Variants in DNAH5 observed in about 807,000 individuals in gnomAD.
DNAH5 encodes dynein axonemal heavy chain 5.
A neutral mutation model predicts 518.2 loss-of-function variants in DNAH5; 372 were observed. The observed-to-expected ratio is 0.72, with a 90% CI of 0.66 to 0.78. The LOEUF (loss-of-function observed/expected upper bound fraction) is 0.78, where lower values mean the gene tolerates loss of function less well. DNAH5 is among the 30% of genes least tolerant of loss of function. The pLI is 0.00. For synonymous variants in DNAH5, 2,039 were observed against 2,025.9 expected (o/e 1.01, Z -0.17); for missense variants, 5,523 against 5,687.0 (o/e 0.97, Z 0.93).
intron 53 of DNAH5, among the ~76,000 whole-genome samples, 177 bp from the exon 54 acceptor site, chr5:13,777,532 A>G (rs1754290632): frequency 6.6e-6 from 1 of 152,192 alleles, no homozygotes; most frequent in African/African-American, 2.4e-5. Context: ...CATTTCATAA[A>G]ACATTATAAT....
Position 13,928,160 on chromosome 5 carries a change from G to GTTGATCAA in DNAH5, c.203_210dup (p.Phe72IlefsTer30), listed in dbSNP as rs760462318. 1 of 1,613,588 alleles carries GTTGATCAA rather than the reference G, an allele frequency of 6.2e-7. No individual in the cohort carries two copies. The highest frequency in any genetic ancestry group is 8.5e-7 in the Non-Finnish European group (1 of 1,179,634). On this transcript the variant is annotated frameshift_variant, in exon 3 of 79. Transcript: ENST00000265104. LOFTEE classifies it high-confidence loss of function. ...TGTCGGAGACCTCCAACAGCAAAAA[G>GTTGATCAA]TTGATCAATTCTTTCAATCTGGGAA...
At chr5:13,886,568 TA>T (rs1772466497) in intron 17 of DNAH5, among the ~76,000 whole-genome samples, 1 of 152,222 alleles carries the variant, frequency 6.6e-6, no homozygotes, top group Admixed American at 6.5e-5. Flanking sequence ...ATGGATTTAA[TA>T]AATATAAACT....
At chr5:13,728,506 T>C (rs936656749) in intron 69 of DNAH5, among the ~76,000 whole-genome samples, 1 of 152,182 alleles carries the variant, frequency 6.6e-6, no homozygotes, top group Non-Finnish European at 1.5e-5. Context: ...GTTTCGTGCA[T>C]AAGATATCAT....
At position 13,711,100 on chromosome 5, in the gene DNAH5, T is replaced by C. The variant is rs531361267; in HGVS notation, c.13126-2765A>G. 9.2e-5 allele frequency among the ~76,000 whole-genome samples: 14 copies of C among 152,274 alleles called. 1 individual carries two copies. In the South Asian group the frequency reaches 2.5e-3, roughly 27 times the overall value. Reference sequence around the variant, plus strand: ...TACAGACTGATATCCTCGATGGACATAGATGCTAAAATCCTTAACAAAATA... The same window carrying C: ...TACAGACTGATATCCTCGATGGACACAGATGCTAAAATCCTTAACAAAATA... On this transcript the variant is annotated intron_variant, in intron 75 of 78. Transcript: ENST00000265104.
At chr5:13,743,183 T>C (rs369257213) in intron 65 of DNAH5, among the ~76,000 whole-genome samples, 1 of 152,010 alleles carries the variant, frequency 6.6e-6, no homozygotes, top group East Asian at 1.9e-4. Flanking sequence ...CAGATAGATA[T>C]ATTGATAGAT....
intron 21 of DNAH5, among the ~76,000 whole-genome samples, chr5:13,878,713 G>C (rs1178284896): frequency 3.3e-5 from 5 of 152,166 alleles, no homozygotes; most frequent in African/African-American, 1.2e-4. Flanking sequence ...TGAGTAGCCA[G>C]AGACCATGGA....
At chr5:13,885,561 G>T (rs1373381999) in intron 18 of DNAH5, among the ~76,000 whole-genome samples, 1 of 152,148 alleles carries the variant, frequency 6.6e-6, no homozygotes, top group African/African-American at 2.4e-5. Context: ...CTAAAACTTT[G>T]GGGGGATAAT....
intron 12 of DNAH5, among the ~76,000 whole-genome samples, chr5:13,902,992 GA>G (rs1281461587): frequency 6.6e-6 from 1 of 152,194 alleles, no homozygotes; most frequent in Non-Finnish European, 1.5e-5. Context: ...TCATCTTTGA[GA>G]GAGAAGGAGC....
Position 13,692,004 on chromosome 5 carries a change from G to T in DNAH5, c.13855C>A (p.Leu4619Ile). ...PEHWVLRGVALLCDVK is the reference protein window; with the variant it reads ...PEHWVLRGVAILCDVK ...ACATGTTACTTGACATCACACAGAAGGGCAACCCCACGGAGCACCCAGTGT... is the reference window on the plus strand; with the variant it reads ...ACATGTTACTTGACATCACACAGAATGGCAACCCCACGGAGCACCCAGTGT... The change falls in exon 79 of 79, where the codon CTT becomes ATT. Residue 4619 changes from leucine to isoleucine, a missense_variant. Leu to Ile is a conservative substitution (Grantham distance 5). Transcript: ENST00000265104. The T allele has an allele frequency of 6.2e-7, 1 of 1,614,084 alleles. No homozygotes were observed. Among genetic ancestry groups the T allele is most frequent in the South Asian group, 1.1e-5 (1 of 91,084 alleles).
chr5:13,967,144 G>A (rs10060317), intron 1 of DNAH5, among the ~76,000 whole-genome samples: 47,363 of 152,102 alleles, frequency 0.31, 7,735 homozygotes, highest in East Asian at 0.59. Flanking sequence ...TTACAACCAT[G>A]AGCCACTGCA....
intron 24 of DNAH5, among the ~76,000 whole-genome samples, chr5:13,868,627 G>A (rs1769627687): frequency 1.3e-5 from 2 of 152,310 alleles, no homozygotes; most frequent in Admixed American, 6.5e-5. Context: ...CCCCATAGAG[G>A]TGGAATGAGT....
intron 25 of DNAH5, 29 bp from the exon 26 acceptor site, chr5:13,866,311 G>C (rs1482613398): frequency 6.3e-7 from 1 of 1,593,662 alleles, no homozygotes; most frequent in Non-Finnish European, 8.6e-7. Flanking sequence ...AAGAAAAATA[G>C]AAGGAAGTGT....
chr5:14,008,558 C>T (rs1314873497), intron 1 of DNAH5, among the ~76,000 whole-genome samples: 1 of 151,814 alleles, frequency 6.6e-6, no homozygotes. Flanking sequence ...TCGAGAATTG[C>T]TTGAACCCTT....
chr5:13,866,420 C>T, intron 25 of DNAH5, 138 bp from the exon 26 acceptor site: 2 of 738,416 alleles, frequency 2.7e-6, no homozygotes, highest in Non-Finnish European at 4.3e-6. Context: ...AAAAAAAGGG[C>T]CTCACAAAGT....
intron 31 of DNAH5, among the ~76,000 whole-genome samples, chr5:13,849,598 T>A (rs942470471): frequency 2.6e-5 from 4 of 152,172 alleles, no homozygotes; most frequent in Non-Finnish European, 5.9e-5. Context: ...GCTCTATAAA[T>A]CTAAGGTCCA....
chr5:13,800,574 T>C (rs1561293524), intron 47 of DNAH5, among the ~76,000 whole-genome samples: 1 of 152,204 alleles, frequency 6.6e-6, no homozygotes, highest in South Asian at 2.1e-4. Context: ...CATTCCATTA[T>C]GTCTTTCTTT....
chr5:13,900,678 G>A (rs1208341788), intron 14 of DNAH5: 2 of 484,586 alleles, frequency 4.1e-6, no homozygotes, highest in African/African-American at 1.9e-5. Flanking sequence ...CTGCAACAGT[G>A]GTGGCGTCTC....
At chr5:13,909,612 T>C (rs1246590843) in intron 12 of DNAH5, among the ~76,000 whole-genome samples, 2 of 152,224 alleles carry the variant, frequency 1.3e-5, no homozygotes, top group Non-Finnish European at 2.9e-5. Flanking sequence ...TACATTTTTG[T>C]AGGCCTTGAG....
chr5:13,825,324 A>G (rs1561361023), intron 38 of DNAH5, among the ~76,000 whole-genome samples: 1 of 150,106 alleles, frequency 6.7e-6, no homozygotes, highest in Non-Finnish European at 1.5e-5. Context: ...CCTGGGCAAC[A>G]GAGCAAGACT....
Sources: gnomAD v4.1 joint callset for allele counts (sites outside exome capture counted in the v4.1 genomes callset) on GRCh38, gnomAD v4.1.1 for gene constraint, MANE v1.5 for transcripts, NCBI Gene and HGNC (gene_info 2026-07-23, HGNC 2026-07-21) for gene names.